Variants in SUGCT observed in about 807,000 individuals in gnomAD.
The protein encoded by SUGCT is succinyl-CoA:glutarate CoA-transferase.
A neutral mutation model predicts 55.0 loss-of-function variants in SUGCT; 41 were observed. The observed-to-expected ratio is 0.74, with a 90% CI of 0.58 to 0.97. SUGCT has a LOEUF of 0.97. Among genes scored for constraint, SUGCT ranks in the 50% least tolerant of loss-of-function variants. SUGCT has a pLI of 0.00. For synonymous variants in SUGCT, 187 were observed against 200.4 expected (o/e 0.93, Z 0.56); for missense variants, 568 against 547.8 (o/e 1.04, Z -0.37).
At chr7:40,594,656 A>T (rs1024094306) in intron 12 of SUGCT, among the ~76,000 whole-genome samples, 1 of 152,186 alleles carries the variant, frequency 6.6e-6, no homozygotes, top group African/African-American at 2.4e-5. Flanking sequence ...ATGCACAGTG[A>T]GAACAGCTGG....
At chr7:40,628,916 A>G (rs1233483911) in intron 12 of SUGCT, among the ~76,000 whole-genome samples, 2 of 152,044 alleles carry the variant, frequency 1.3e-5, no homozygotes, top group South Asian at 4.2e-4. Flanking sequence ...AATTTTTTGT[A>G]TTTTTGGTAG....
At chr7:40,245,423 A>ATATTTTTTTTTTTTTTTTTTTT (rs1344678220) in intron 7 of SUGCT, among the ~76,000 whole-genome samples, 1 of 54,594 alleles carries the variant, frequency 1.8e-5, no homozygotes, top group Non-Finnish European at 3.3e-5. Context: ...ATATATATAT[A>ATATTTTTTTTTTTTTTTTTTTT]TTTTTTTTTT....
intron 9 of SUGCT, among the ~76,000 whole-genome samples, chr7:40,325,692 G>C (rs1038218552): frequency 1.6e-4 from 24 of 152,136 alleles, no homozygotes; most frequent in Non-Finnish European, 2.6e-4. Context: ...GGTAATCCCA[G>C]CTACTCGGGA....
intron 12 of SUGCT, among the ~76,000 whole-genome samples, chr7:40,503,362 A>G (rs1275681550): frequency 6.6e-6 from 1 of 152,164 alleles, no homozygotes; most frequent in Non-Finnish European, 1.5e-5. Flanking sequence ...GTCTACCATA[A>G]AAAACATGTG....
chr7:40,527,140 A>G (rs1793842293), intron 12 of SUGCT, among the ~76,000 whole-genome samples: 1 of 152,186 alleles, frequency 6.6e-6, no homozygotes, highest in Non-Finnish European at 1.5e-5. Flanking sequence ...CATTCCTTTA[A>G]GTCTTTATGA....
At chr7:40,712,534 G>T (rs891697569) in intron 12 of SUGCT, among the ~76,000 whole-genome samples, 10 of 152,210 alleles carry the variant, frequency 6.6e-5, no homozygotes, top group African/African-American at 2.4e-4. Flanking sequence ...TAGAGAAAAA[G>T]AGTTTAGGAT....
rs116591103 is a variant in SUGCT at position 40,577,019 on chromosome 7, T to C, written c.1089+80633T>C. Among the ~76,000 whole-genome samples, 918 of 152,330 alleles carry C rather than the reference T, an allele frequency of 6.0e-3. 12 individuals carry two copies. Among genetic ancestry groups the C allele is most frequent in the African/African-American group, 0.021 (863 of 41,582 alleles). ...AGCATCAGGATTACCTGGAAACTTG[T>C]TAGACATACAAATTCAGAATCCAGA... On this transcript the variant is annotated intron_variant, in intron 12 of 13. Coordinates refer to ENST00000335693, the MANE Select transcript of SUGCT (RefSeq NM_001193313.2).
chr7:40,390,146 G>A (rs996846395), intron 9 of SUGCT, among the ~76,000 whole-genome samples: 2 of 152,096 alleles, frequency 1.3e-5, no homozygotes, highest in African/African-American at 2.4e-5. Context: ...AAAATAATAT[G>A]AGCTATTTAT....
intron 12 of SUGCT, among the ~76,000 whole-genome samples, chr7:40,736,382 A>G (rs888151403): frequency 4.6e-5 from 7 of 150,572 alleles, no homozygotes; most frequent in African/African-American, 1.7e-4. Context: ...AGGGGAAGCT[A>G]GAGAAAATAG....
the SUGCT span, among the ~76,000 whole-genome samples, chr7:40,913,717 G>A: frequency 6.6e-6 from 1 of 152,152 alleles, no homozygotes; most frequent in Non-Finnish European, 1.5e-5. Context: ...CAGGCTGTGG[G>A]CTCGCTGGAT....
At chr7:40,909,568 G>T in the SUGCT span, among the ~76,000 whole-genome samples, 1 of 152,168 alleles carries the variant, frequency 6.6e-6, no homozygotes, top group African/African-American at 2.4e-5. Context: ...AGAGAACTAC[G>T]GGGGAGGCTA....
At chr7:40,975,684 C>G in the SUGCT span, among the ~76,000 whole-genome samples, 1 of 152,092 alleles carries the variant, frequency 6.6e-6, no homozygotes, top group African/African-American at 2.4e-5. Context: ...ATTTTGAAAC[C>G]CATCTTGCAG....
intron 11 of SUGCT, among the ~76,000 whole-genome samples, chr7:40,468,682 T>C (rs1790251881): frequency 6.6e-6 from 1 of 151,982 alleles, no homozygotes. Flanking sequence ...TCCTTACACA[T>C]AGTTTGCTGA....
intron 12 of SUGCT, among the ~76,000 whole-genome samples, chr7:40,611,497 A>G (rs1265507196): frequency 6.6e-6 from 1 of 152,188 alleles, no homozygotes; most frequent in Non-Finnish European, 1.5e-5. Context: ...CTGGATCTTC[A>G]TGTGGAGTGT....
At chr7:40,829,373 T>C (rs1792536316) in intron 13 of SUGCT, among the ~76,000 whole-genome samples, 1 of 152,122 alleles carries the variant, frequency 6.6e-6, no homozygotes. Context: ...CTTGCCTTCT[T>C]TCATTGCCAG....
the SUGCT span, chr7:40,966,685 A>C: frequency 6.6e-6 from 1 of 152,352 alleles, no homozygotes; most frequent in Non-Finnish European, 1.5e-5. Context: ...AGATAATATC[A>C]AGCCGTCTGT....
intron 6 of SUGCT, among the ~76,000 whole-genome samples, chr7:40,223,264 T>C (rs1359152138): frequency 2.6e-5 from 4 of 152,162 alleles, no homozygotes; most frequent in Non-Finnish European, 5.9e-5. Context: ...TTTCACCATA[T>C]TGGTCAGATG....
chr7:40,151,164 C>T (rs538468120), intron 1 of SUGCT, among the ~76,000 whole-genome samples: 32 of 152,218 alleles, frequency 2.1e-4, no homozygotes, highest in African/African-American at 6.5e-4. Flanking sequence ...CGCTTGAACC[C>T]GGGAGGCGGA....
At chr7:40,168,689 T>G (rs1204273249) in intron 1 of SUGCT, among the ~76,000 whole-genome samples, 1 of 152,206 alleles carries the variant, frequency 6.6e-6, no homozygotes, top group Non-Finnish European at 1.5e-5. Context: ...GGTGAAGGGT[T>G]TTAAGTAATT....
Sources: allele counts gnomAD v4.1 joint callset (sites outside exome capture counted in the v4.1 genomes callset), GRCh38; gene constraint gnomAD v4.1.1; transcripts MANE v1.5; gene names NCBI Gene and HGNC (gene_info 2026-07-23, HGNC 2026-07-21).